Variants in CUX2 observed in about 807,000 individuals in gnomAD.
CUX2 encodes the protein cut like homeobox 2.
Under a neutral mutation model 144.8 loss-of-function variants are expected in CUX2, and 40 were observed. The observed-to-expected ratio is 0.28, with a 90% CI of 0.21 to 0.36. The LOEUF (loss-of-function observed/expected upper bound fraction) is 0.36. CUX2 is among the 10% of genes least tolerant of loss of function. CUX2 has a pLI of 1.00. For synonymous variants in CUX2, 827 were observed against 875.6 expected, an observed-to-expected ratio of 0.94 and a Z score of 0.98; for missense variants, 1,615 against 1,994.0, an observed-to-expected ratio of 0.81 and a Z score of 3.62.
chr12:111,162,891 C>T (rs1156935233), intron 1 of CUX2, among the ~76,000 whole-genome samples: 1 of 152,042 alleles, frequency 6.6e-6, no homozygotes, highest in East Asian at 1.9e-4. Flanking sequence ...AATAAAAATA[C>T]AAAACCTAGC....
rs373429698 is a variant in CUX2 at position 111,109,362 on chromosome 12, G to A, written c.63+75122G>A. 2.7e-4 allele frequency among the ~76,000 whole-genome samples: 41 copies of A among 152,112 alleles called. No homozygotes were observed. In the East Asian group the frequency reaches 3.7e-3, roughly 14 times the overall value. On this transcript the variant is annotated intron_variant, in intron 1 of 21. Coordinates refer to ENST00000261726, the MANE Select transcript of CUX2 (RefSeq NM_015267.4). ...CTAACATCCTCCAAAGGTGGCCTAC[G>A]AGAGTTTTAAAAAATATCATTGTAA... is the stretch of plus-strand genomic sequence containing the variant.
At chr12:111,245,801 C>G (rs1214967030) in intron 3 of CUX2, among the ~76,000 whole-genome samples, 1 of 151,996 alleles carries the variant, frequency 6.6e-6, no homozygotes, top group East Asian at 1.9e-4. Flanking sequence ...AGGTCCACAA[C>G]CTGGACACAA....
intron 4 of CUX2, among the ~76,000 whole-genome samples, chr12:111,290,631 T>C (rs1185666873): frequency 1.3e-5 from 2 of 152,110 alleles, no homozygotes; most frequent in East Asian, 3.9e-4. Context: ...TTTCACCATA[T>C]TGGTCAGGTG....
At chr12:111,253,634 G>T (rs929442593) in intron 3 of CUX2, among the ~76,000 whole-genome samples, 13 of 152,100 alleles carry the variant, frequency 8.5e-5, no homozygotes, top group Non-Finnish European at 1.5e-4. Context: ...AGGTGTTTGC[G>T]CCAGTCTTGC....
intron 1 of CUX2, among the ~76,000 whole-genome samples, chr12:111,148,705 T>G (rs1566254407): frequency 6.6e-6 from 1 of 152,090 alleles, no homozygotes; most frequent in Non-Finnish European, 1.5e-5. Flanking sequence ...TATTAAGAAG[T>G]AGGTAAGGGG....
At position 111,184,573 on chromosome 12, in the gene CUX2, C is replaced by CAAAAAA. The variant is rs71445536; in HGVS notation, c.64-29606_64-29601dup. Among the ~76,000 whole-genome samples the CAAAAAA allele has an allele frequency of 1.3e-4, 6 of 46,924 alleles. 1 individual carries two copies. Among genetic ancestry groups the CAAAAAA allele is most frequent in the East Asian group, 5.8e-4 (1 of 1,722 alleles). The allele number at this position is 46,924 out of a possible 152,430, so 30.8% of individuals were successfully genotyped here. On this transcript the variant is annotated intron_variant, in intron 1 of 21. Transcript: ENST00000261726. ...GCAACATGGCAAACCTTCTCTCTAC[C>CAAAAAA]AAAAAAAAAAAAAAAAAAAAAAAAA...
At chr12:111,109,176 T>C (rs1420678927) in intron 1 of CUX2, among the ~76,000 whole-genome samples, 2 of 152,238 alleles carry the variant, frequency 1.3e-5, no homozygotes, top group African/African-American at 4.8e-5. Context: ...ACGTTCTTCC[T>C]GTCCCTCTTT....
At position 111,167,668 on chromosome 12, in the gene CUX2, G is replaced by GGGTT. The variant is rs771648322; in HGVS notation, c.64-46531_64-46528dup. 8.1e-5 allele frequency among the ~76,000 whole-genome samples: 12 copies of GGGTT among 147,990 alleles called. No homozygotes were observed. In the East Asian group the frequency reaches 1.5e-3, roughly 18 times the overall value. ...CTAACAATCCTATTAGGTTGGCCCT[G>GGGTT]GGTTTGTTTGTTTGTTTGTTTGTTT... On this transcript the variant is annotated intron_variant, in intron 1 of 21. Coordinates refer to ENST00000261726, the MANE Select transcript of CUX2 (RefSeq NM_015267.4).
intron 4 of CUX2, among the ~76,000 whole-genome samples, chr12:111,274,980 A>C (rs1051170227): frequency 6.6e-6 from 1 of 152,112 alleles, no homozygotes; most frequent in African/African-American, 2.4e-5. Flanking sequence ...AACAAAAAAA[A>C]ACCACCAATA....
chr12:111,304,099 C>T lies in CUX2; in HGVS notation c.754-111C>T. 1 of 779,444 alleles carries T rather than the reference C, an allele frequency of 1.3e-6. No individual in the cohort carries two copies. Among genetic ancestry groups the T allele is most frequent in the Non-Finnish European group, 2.1e-6 (1 of 465,868 alleles). 48.3% of individuals were successfully genotyped at this position (779,444 alleles called of 1,614,324 possible). On this transcript the variant is annotated intron_variant, in intron 9 of 21. Transcript: ENST00000261726. The surrounding 1 kb of genome is among the most constrained non-coding windows in gnomAD (Gnocchi z 4.7). ...AGGGTCCGGGACTAGGAAGGCAGGA[C>T]CTGAGGCCCTCGGAGGTCTGCCTCC...
At chr12:111,106,162 G>C (rs1873594125) in intron 1 of CUX2, among the ~76,000 whole-genome samples, 1 of 151,538 alleles carries the variant, frequency 6.6e-6, no homozygotes, top group Non-Finnish European at 1.5e-5. Context: ...ACCATACCTG[G>C]CTAATATTTT....
At chr12:111,195,392 AAC>A (rs1410873740) in intron 1 of CUX2, among the ~76,000 whole-genome samples, 1 of 152,246 alleles carries the variant, frequency 6.6e-6, no homozygotes, top group Non-Finnish European at 1.5e-5. Context: ...AAAAAAAAGA[AAC>A]ACAAAACATT....
At chr12:111,259,031 C>CTATGTGTGTG (rs1351800495) in intron 3 of CUX2, among the ~76,000 whole-genome samples, 107 of 132,308 alleles carry the variant, frequency 8.1e-4, no homozygotes, top group African/African-American at 2.8e-3. Context: ...CCACACCCAG[C>CTATGTGTGTG]TGTGTGTGTG....
intron 3 of CUX2, among the ~76,000 whole-genome samples, chr12:111,253,904 T>G (rs941237788): frequency 2.6e-5 from 4 of 152,138 alleles, no homozygotes; most frequent in Admixed American, 1.3e-4. Flanking sequence ...TGTTTTGTTT[T>G]TGTTTAGTAG....
At chr12:111,294,755 G>A (rs1023631091) in intron 6 of CUX2, among the ~76,000 whole-genome samples, 1 of 152,018 alleles carries the variant, frequency 6.6e-6, no homozygotes. Flanking sequence ...AAATTAAGCT[G>A]TGTGTGGTGG....
chr12:111,318,484 G>C (rs1033439946), intron 16 of CUX2, among the ~76,000 whole-genome samples: 3 of 151,352 alleles, frequency 2.0e-5, no homozygotes, highest in Non-Finnish European at 2.9e-5. Flanking sequence ...GGGAGGCTGA[G>C]GCAGGAGAAC....
intron 20 of CUX2, among the ~76,000 whole-genome samples, chr12:111,340,126 G>A (rs1166231072): frequency 6.6e-6 from 1 of 152,202 alleles, no homozygotes; most frequent in Non-Finnish European, 1.5e-5. Flanking sequence ...AACCTGGGAG[G>A]TGGAGGTTGC....
chr12:111,078,724 T>C (rs1395288579), intron 1 of CUX2, among the ~76,000 whole-genome samples: 1 of 152,004 alleles, frequency 6.6e-6, no homozygotes, highest in Non-Finnish European at 1.5e-5. Context: ...GCAATGGGGA[T>C]CCACGGACAG....
intron 1 of CUX2, among the ~76,000 whole-genome samples, chr12:111,202,424 T>A (rs1011943977): frequency 6.6e-6 from 1 of 152,178 alleles, no homozygotes; most frequent in African/African-American, 2.4e-5. Context: ...AGGCGTTTGA[T>A]TGGCATCCTC....
Sources: gnomAD v4.1 joint callset for allele counts (sites outside exome capture counted in the v4.1 genomes callset) on GRCh38, gnomAD v4.1.1 for gene constraint, Gnocchi (gnomAD v3.1) non-coding constraint, MANE v1.5 for transcripts, NCBI Gene and HGNC (gene_info 2026-07-23, HGNC 2026-07-21) for gene names.